ITPR2: variants seen among roughly 807,000 people sequenced by gnomAD.
ITPR2 encodes the protein inositol 1,4,5-trisphosphate-gated calcium channel ITPR2.
ITPR2 carries 207 observed loss-of-function variants against 317.1 expected under a neutral mutation model. The ratio of observed to expected loss-of-function variants is 0.65; its 90% CI spans 0.58 to 0.73. The LOEUF (loss-of-function observed/expected upper bound fraction) is 0.73, where lower values mean the gene tolerates loss of function less well. Ranked by LOEUF, ITPR2 falls within the 30% of genes least tolerant of loss-of-function variation. The probability of loss-of-function intolerance (pLI) is 0.00; values close to 1 mark genes in which losing one functional copy is unlikely to be tolerated. For missense variants in ITPR2, 2,613 were observed against 3,284.0 expected, an observed-to-expected ratio of 0.80 and a Z score of 4.99; for synonymous variants, 1,156 against 1,149.1, an observed-to-expected ratio of 1.01 and a Z score of -0.12.
At chr12:26,717,420 G>C (rs1948760162) in intron 5 of ITPR2, among the ~76,000 whole-genome samples, 1 of 152,170 alleles carries the variant, frequency 6.6e-6, no homozygotes, top group Admixed American at 6.6e-5. Flanking sequence ...AAATATAATA[G>C]AGAAGCCTCA....
chr12:26,625,852 T>C (rs1946610721), intron 23 of ITPR2, among the ~76,000 whole-genome samples: 1 of 152,184 alleles, frequency 6.6e-6, no homozygotes, highest in African/African-American at 2.4e-5. Flanking sequence ...CGTCCCTTTT[T>C]CTTGTGGGAA....
At chr12:26,794,773 C>G (rs1950402084) in intron 1 of ITPR2, among the ~76,000 whole-genome samples, 1 of 152,152 alleles carries the variant, frequency 6.6e-6, no homozygotes, top group Non-Finnish European at 1.5e-5. Context: ...TTTTCTCTTG[C>G]AGATTAGAGA....
In ITPR2 at chr12:26,364,440, C is replaced by A. The variant is rs190071711; in HGVS notation, c.7857+22994G>T. 4.3e-4 allele frequency among the ~76,000 whole-genome samples: 65 copies of A among 152,268 alleles called. No homozygotes were observed. The East Asian group carries it at 0.012, about 29-fold the overall frequency. ...ATAAATGAATGAACATTCACAATAA[C>A]CCTAAGGTAGATACTAGTCAGTGTT... On this transcript the variant is annotated intron_variant, in intron 55 of 56. Coordinates refer to ENST00000381340, the MANE Select transcript of ITPR2 (RefSeq NM_002223.4).
chr12:26,592,075 A>G (rs1019836407), intron 32 of ITPR2, among the ~76,000 whole-genome samples: 3 of 152,226 alleles, frequency 2.0e-5, no homozygotes, highest in African/African-American at 7.2e-5. Flanking sequence ...CCAGTAAAAA[A>G]GAATGTGATC....
intron 26 of ITPR2, among the ~76,000 whole-genome samples, chr12:26,603,247 G>A (rs1217551367): frequency 6.6e-6 from 1 of 152,048 alleles, no homozygotes. Flanking sequence ...ACAGAACCAT[G>A]AAAATGAAGA....
intron 54 of ITPR2, among the ~76,000 whole-genome samples, chr12:26,389,128 G>A (rs549963809): frequency 6.6e-6 from 1 of 152,078 alleles, no homozygotes; most frequent in Non-Finnish European, 1.5e-5. Flanking sequence ...AGACTCCCAG[G>A]CCCCCCTGTT....
chr12:26,504,386 A>G (rs1349088861), intron 37 of ITPR2, among the ~76,000 whole-genome samples: 3 of 152,232 alleles, frequency 2.0e-5, no homozygotes, highest in African/African-American at 7.2e-5. Context: ...TATTCAGAAT[A>G]CATGACTATA....
intron 55 of ITPR2, among the ~76,000 whole-genome samples, chr12:26,353,766 A>G (rs927312996): frequency 6.6e-6 from 1 of 152,298 alleles, no homozygotes; most frequent in East Asian, 1.9e-4. Context: ...TATGATCATT[A>G]TATTTATTTT....
chr12:26,704,958 A>C (rs996290873), intron 9 of ITPR2, among the ~76,000 whole-genome samples: 5 of 152,208 alleles, frequency 3.3e-5, no homozygotes, highest in Non-Finnish European at 7.4e-5. Context: ...CAGCACATGA[A>C]AGTAATATTT....
intron 1 of ITPR2, among the ~76,000 whole-genome samples, chr12:26,832,286 G>A (rs1282040222): frequency 2.0e-5 from 3 of 152,250 alleles, no homozygotes; most frequent in Non-Finnish European, 2.9e-5. Flanking sequence ...CCGGCACTGA[G>A]AGACCAGGGG....
At chr12:26,370,048 C>T (rs1015287985) in intron 55 of ITPR2, among the ~76,000 whole-genome samples, 47 of 152,112 alleles carry the variant, frequency 3.1e-4, no homozygotes, top group African/African-American at 1.1e-3. Context: ...CAGATCTTGC[C>T]CCATGTGTCT....
At chr12:26,784,645 T>C (rs1472548024) in intron 2 of ITPR2, among the ~76,000 whole-genome samples, 2 of 151,272 alleles carry the variant, frequency 1.3e-5, no homozygotes, top group Non-Finnish European at 2.9e-5. Context: ...CACTCGGTGC[T>C]CAATGGTGCC....
chr12:26,530,839 G>A (rs970291207), intron 37 of ITPR2, among the ~76,000 whole-genome samples: 3 of 152,110 alleles, frequency 2.0e-5, no homozygotes, highest in African/African-American at 7.2e-5. Context: ...TTGTCTTAAT[G>A]CAACTGTCTA....
intron 21 of ITPR2, among the ~76,000 whole-genome samples, chr12:26,639,481 A>T (rs566232124): frequency 5.1e-4 from 77 of 150,952 alleles, no homozygotes; most frequent in African/African-American, 1.7e-3. Context: ...TTTTTTTTTT[A>T]AATTATACTT....
intron 52 of ITPR2, among the ~76,000 whole-genome samples, chr12:26,403,537 G>A (rs1940248334): frequency 6.6e-6 from 1 of 152,274 alleles, no homozygotes; most frequent in East Asian, 1.9e-4. Flanking sequence ...AATGTCATGT[G>A]AGCCCAAAAG....
chr12:26,426,315 A>G (rs1941061252), intron 49 of ITPR2, among the ~76,000 whole-genome samples: 1 of 152,214 alleles, frequency 6.6e-6, no homozygotes, highest in African/African-American at 2.4e-5. Flanking sequence ...TCAAACACAT[A>G]GGCTTAGAAA....
chr12:26,778,073 T>A (rs1274181742), intron 2 of ITPR2, among the ~76,000 whole-genome samples: 1 of 151,874 alleles, frequency 6.6e-6, no homozygotes, highest in African/African-American at 2.4e-5. Context: ...GTCCCAGGAG[T>A]CATCCTATGG....
intron 37 of ITPR2, among the ~76,000 whole-genome samples, chr12:26,516,295 AG>A: frequency 1.9e-5 from 1 of 52,550 alleles, no homozygotes; most frequent in African/African-American, 6.4e-5. Flanking sequence ...GGGAAAGGAA[AG>A]GAAAGGAAAG....
intron 2 of ITPR2, among the ~76,000 whole-genome samples, chr12:26,783,868 A>G (rs1002291312): frequency 1.3e-5 from 2 of 152,188 alleles, no homozygotes; most frequent in Non-Finnish European, 2.9e-5. Context: ...CTTCAAAAGT[A>G]TCAAGATCAT....
Sources: gnomAD v4.1 joint callset for allele counts (sites outside exome capture counted in the v4.1 genomes callset) on GRCh38, gnomAD v4.1.1 for gene constraint, MANE v1.5 for transcripts, NCBI Gene and HGNC (gene_info 2026-07-23, HGNC 2026-07-21) for gene names.